The following RNF216 variants were observed in gnomAD, a reference collection of about 807,000 sequenced individuals.
The protein encoded by RNF216 is E3 ubiquitin-protein ligase RNF216.
A neutral mutation model predicts 110.8 loss-of-function variants in RNF216; 72 were observed. The observed-to-expected ratio is 0.65, with a 90% CI of 0.54 to 0.79. RNF216 has a LOEUF of 0.79. Ranked by LOEUF, RNF216 falls within the 30% of genes least tolerant of loss-of-function variation. The pLI, the probability that RNF216 is intolerant of heterozygous loss-of-function variation, is 0.00. For missense variants in RNF216, 1,342 were observed against 1,141.2 expected (o/e 1.18, Z -2.54); for synonymous variants, 495 against 407.5 (o/e 1.21, Z -2.59).
intron 3 of RNF216, among the ~76,000 whole-genome samples, chr7:5,743,548 G>C (rs1794881452): frequency 6.6e-6 from 1 of 152,178 alleles, no homozygotes. Flanking sequence ...GCCATTAAGT[G>C]AAGAAAAGCA....
intron 13 of RNF216, among the ~76,000 whole-genome samples, chr7:5,663,805 G>C (rs1443833246): frequency 6.6e-6 from 1 of 152,076 alleles, no homozygotes; most frequent in Non-Finnish European, 1.5e-5. Flanking sequence ...GGCTGAGACA[G>C]AAGAATCACT....
chr7:5,780,342 T>G (rs542310614), intron 1 of RNF216: 2 of 152,080 alleles, frequency 1.3e-5, no homozygotes, highest in Non-Finnish European at 2.9e-5. Flanking sequence ...TACGTCACAG[T>G]GCTTCTTCTG....
chr7:5,628,002 A>G (rs852455), intron 15 of RNF216, among the ~76,000 whole-genome samples: 16,239 of 152,212 alleles, frequency 0.11, 1,623 homozygotes, highest in African/African-American at 0.27. Flanking sequence ...GCGCGAGCCC[A>G]GGTTTCTGAT....
intron 5 of RNF216, among the ~76,000 whole-genome samples, chr7:5,737,861 G>A (rs1794517472): frequency 1.3e-5 from 2 of 152,072 alleles, no homozygotes; most frequent in African/African-American, 4.8e-5. Context: ...AGGTGGAGGT[G>A]AGCAGATCAT....
intron 1 of RNF216, among the ~76,000 whole-genome samples, chr7:5,770,247 A>T (rs1429804570): frequency 6.6e-6 from 1 of 151,850 alleles, no homozygotes; most frequent in African/African-American, 2.4e-5. Flanking sequence ...GGATCGCCTG[A>T]GGTGGGGAGT....
At chr7:5,737,057 C>T (rs948116335) in intron 5 of RNF216, among the ~76,000 whole-genome samples, 10 of 152,276 alleles carry the variant, frequency 6.6e-5, no homozygotes, top group African/African-American at 2.2e-4. Context: ...GCCATGATGA[C>T]GATGACAGCT....
intron 1 of RNF216, among the ~76,000 whole-genome samples, chr7:5,776,492 G>A (rs1030068178): frequency 4.6e-5 from 7 of 151,380 alleles, no homozygotes; most frequent in African/African-American, 1.5e-4. Flanking sequence ...CTACTCAGGA[G>A]GCTGAGGCAG....
chr7:5,752,812 A>T, intron 3 of RNF216, 34 bp downstream of exon 3: 1 of 1,602,984 alleles, frequency 6.2e-7, no homozygotes, highest in Non-Finnish European at 8.5e-7. Context: ...CCAACTTGCA[A>T]TAATGTCTCA....
At chr7:5,716,479 T>A (rs1398000271) in intron 10 of RNF216, among the ~76,000 whole-genome samples, 1 of 152,112 alleles carries the variant, frequency 6.6e-6, no homozygotes, top group African/African-American at 2.4e-5. Flanking sequence ...ATCTGATGAA[T>A]GTCAGGTAAT....
At chr7:5,649,287 G>T (rs1788238141) in intron 14 of RNF216, among the ~76,000 whole-genome samples, 1 of 152,050 alleles carries the variant, frequency 6.6e-6, no homozygotes, top group African/African-American at 2.4e-5. Context: ...AGCTACTCGG[G>T]AGGCTGAGGC....
intron 11 of RNF216, among the ~76,000 whole-genome samples, chr7:5,713,616 G>C (rs1288756790): frequency 2.0e-5 from 3 of 152,186 alleles, no homozygotes; most frequent in Non-Finnish European, 4.4e-5. Context: ...TATGCACCTA[G>C]AGTCAAACTC....
intron 13 of RNF216, among the ~76,000 whole-genome samples, chr7:5,694,244 C>T (rs562137014): frequency 6.6e-6 from 1 of 152,346 alleles, no homozygotes; most frequent in Admixed American, 6.5e-5. Context: ...AGTTTTCAAA[C>T]AAGTCTTTCA....
At chr7:5,650,402 G>T (rs530368055) in intron 14 of RNF216, among the ~76,000 whole-genome samples, 3 of 152,326 alleles carry the variant, frequency 2.0e-5, no homozygotes, top group South Asian at 4.1e-4. Flanking sequence ...GCTGTGCTTT[G>T]TAAGTAATTC....
intron 13 of RNF216, among the ~76,000 whole-genome samples, chr7:5,689,971 G>A (rs1168520533): frequency 6.6e-6 from 1 of 151,526 alleles, no homozygotes; most frequent in East Asian, 1.9e-4. Context: ...AAGAGAAGAG[G>A]AGGGCAGGTA....
chr7:5,694,951 T>G (rs529279572), intron 13 of RNF216, among the ~76,000 whole-genome samples: 1 of 152,228 alleles, frequency 6.6e-6, no homozygotes, highest in African/African-American at 2.4e-5. Context: ...CCTGGTTAAC[T>G]GACATACAAA....
chr7:5,765,855 C>G (rs1416399517), intron 1 of RNF216, among the ~76,000 whole-genome samples: 3 of 148,622 alleles, frequency 2.0e-5, no homozygotes, highest in African/African-American at 7.4e-5. Flanking sequence ...ACTCAGGAGG[C>G]TGAGGCAGAA....
At chr7:5,679,312 G>C (rs1790506815) in intron 13 of RNF216, among the ~76,000 whole-genome samples, 1 of 152,358 alleles carries the variant, frequency 6.6e-6, no homozygotes, top group Admixed American at 6.5e-5. Flanking sequence ...CTAAGGGCCT[G>C]TTTGTCACCA....
At chr7:5,763,968 C>G (rs1289004147) in intron 1 of RNF216, among the ~76,000 whole-genome samples, 1 of 152,126 alleles carries the variant, frequency 6.6e-6, no homozygotes, top group Non-Finnish European at 1.5e-5. Flanking sequence ...GCAGGCGGAT[C>G]ACTCGAGGTC....
chr7:5,726,600 G>A (rs368829873), intron 7 of RNF216, among the ~76,000 whole-genome samples: 4 of 152,174 alleles, frequency 2.6e-5, no homozygotes, highest in Non-Finnish European at 4.4e-5. Flanking sequence ...GCTCACGCCT[G>A]TAATCCCAGC....
Sources: gnomAD v4.1 joint callset for allele counts (sites outside exome capture counted in the v4.1 genomes callset) on GRCh38, gnomAD v4.1.1 for gene constraint, MANE v1.5 for transcripts, NCBI Gene and HGNC (gene_info 2026-07-23, HGNC 2026-07-21) for gene names.